MAMLD1: variants seen among roughly 807,000 people sequenced by gnomAD.
The protein encoded by MAMLD1 is mastermind-like domain-containing protein 1.
A neutral mutation model predicts 45.0 loss-of-function variants in MAMLD1; 14 were observed. That is an observed-to-expected ratio of 0.31 (90% confidence interval 0.21 to 0.49). The LOEUF (loss-of-function observed/expected upper bound fraction) is 0.49. Among genes scored for constraint, MAMLD1 ranks in the 20% least tolerant of loss-of-function variants. MAMLD1 has a pLI of 0.99. For missense variants in MAMLD1, 543 were observed against 603.6 expected (o/e 0.90, Z 1.05); for synonymous variants, 254 against 247.8 (o/e 1.02, Z -0.24).
chrX:150,424,842 A>G (rs781846474), intron 1 of MAMLD1, among the ~76,000 whole-genome samples: 13 of 111,652 alleles, frequency 1.2e-4, no homozygotes, highest in African/African-American at 1.6e-4. Context: ...ATTCAAGAAC[A>G]TTTTCATCAC....
chrX:150,456,896 C>T (rs1443332381), intron 2 of MAMLD1, among the ~76,000 whole-genome samples: 2 of 112,339 alleles, frequency 1.8e-5, no homozygotes, highest in Non-Finnish European at 1.9e-5. Flanking sequence ...GAAGACAAAG[C>T]CTTCAGAAAA....
Position 150,510,011 on chromosome X carries a change from A to T in MAMLD1, c.*9A>T. On this transcript the variant is annotated 3_prime_UTR_variant, in exon 7 of 8. Coordinates refer to ENST00000370401, the MANE Select transcript of MAMLD1 (RefSeq NM_005491.5). ...ATGGCAATGACCCCTGAACGGCAGA[A>T]TGCATATATCTCCCAACAGATGAGT... 1 of 1,206,724 alleles carries T rather than the reference A, an allele frequency of 8.3e-7. No homozygotes were observed. The highest frequency in any genetic ancestry group is 1.1e-6 in the Non-Finnish European group (1 of 890,747).
intron 2 of MAMLD1, among the ~76,000 whole-genome samples, chrX:150,451,869 C>T (rs184722513): frequency 1.0e-3 from 116 of 111,394 alleles, no homozygotes; most frequent in African/African-American, 3.7e-3. Flanking sequence ...GCCTCCCTCT[C>T]TCTTGCTCCG....
At chrX:150,398,418 G>A (rs1478422225) in intron 1 of MAMLD1, among the ~76,000 whole-genome samples, 1 of 108,714 alleles carries the variant, frequency 9.2e-6, no homozygotes, top group Non-Finnish European at 1.9e-5. Context: ...GGGAACGAAG[G>A]AGCAAAAATA....
intron 1 of MAMLD1, among the ~76,000 whole-genome samples, chrX:150,435,178 TTCTTA>T (rs782656156): frequency 2.7e-5 from 3 of 111,838 alleles, no homozygotes; most frequent in Non-Finnish European, 5.6e-5. Flanking sequence ...TTCTTGTCTT[TTCTTA>T]TCTTTGTTGG....
Position 150,456,139 on chromosome X carries a change from C to G in MAMLD1, c.97-6633C>G, listed in dbSNP as rs782575916. 3.2e-4 allele frequency among the ~76,000 whole-genome samples: 36 copies of G among 110,783 alleles called. No homozygotes were observed. In the South Asian group the frequency reaches 0.013, roughly 40 times the overall value. On this transcript the variant is annotated intron_variant, in intron 2 of 7. Transcript: ENST00000370401. Reference sequence around the variant, plus strand: ...CTGAAGTGATCTGCCTTTCCTTTAGCACCCCAGAATTACCTCTGGGTTCAT... The same window carrying G: ...CTGAAGTGATCTGCCTTTCCTTTAGGACCCCAGAATTACCTCTGGGTTCAT...
chrX:150,510,887 C>T (rs1215682464), intron 7 of MAMLD1, among the ~76,000 whole-genome samples: 2 of 112,169 alleles, frequency 1.8e-5, no homozygotes, highest in Non-Finnish European at 3.8e-5. Context: ...CTGTGTCCCA[C>T]TTGTCCAGGC....
At chrX:150,489,314 T>C (rs1602993060) in intron 5 of MAMLD1, among the ~76,000 whole-genome samples, 1 of 110,847 alleles carries the variant, frequency 9.0e-6, no homozygotes, top group East Asian at 2.9e-4. Context: ...AGATTCAGTG[T>C]CTGGTGAGAG....
At chrX:150,364,205 C>T (rs959853773) in intron 1 of MAMLD1, among the ~76,000 whole-genome samples, 2 of 112,834 alleles carry the variant, frequency 1.8e-5, no homozygotes, top group African/African-American at 6.4e-5. Context: ...ATCCGCGCGA[C>T]GACAGAGCTG....
intron 1 of MAMLD1, among the ~76,000 whole-genome samples, chrX:150,400,969 T>C (rs1273301991): frequency 9.1e-6 from 1 of 110,295 alleles, no homozygotes; most frequent in Non-Finnish European, 1.9e-5. Context: ...GATGCTGGCC[T>C]CATAAAACGA....
chrX:150,367,015 T>A (rs970839521), intron 1 of MAMLD1, among the ~76,000 whole-genome samples: 45 of 94,329 alleles, frequency 4.8e-4, no homozygotes, highest in Admixed American at 3.1e-3. Flanking sequence ...TTAAAAATCA[T>A]CCTCTTCCGG....
At chrX:150,436,272 G>A (rs1215898386) in intron 1 of MAMLD1, among the ~76,000 whole-genome samples, 1 of 111,186 alleles carries the variant, frequency 9.0e-6, no homozygotes, top group African/African-American at 3.3e-5. Flanking sequence ...GGCCTGTCTA[G>A]GTAGGTTGGG....
intron 1 of MAMLD1, among the ~76,000 whole-genome samples, chrX:150,374,568 G>A (rs909065888): frequency 8.9e-6 from 1 of 112,545 alleles, no homozygotes; most frequent in Non-Finnish European, 1.9e-5. Context: ...GACTTGAAAA[G>A]TCATTTTGTC....
chrX:150,371,505 G>A (rs1448281474), intron 1 of MAMLD1, among the ~76,000 whole-genome samples: 1 of 111,162 alleles, frequency 9.0e-6, no homozygotes, highest in African/African-American at 3.3e-5. Context: ...ATGGCATCCA[G>A]GTCAAAAAGG....
At position 150,382,887 on chromosome X, in the gene MAMLD1, T is replaced by A. The variant is rs1191082027; in HGVS notation, c.-64+19357T>A. ...AATATTTTGTCCCATTTTATTTTAT[T>A]TTTTTTTTTTTTTATTTTTTATTTT... is the stretch of plus-strand genomic sequence containing the variant. On this transcript the variant is annotated intron_variant, in intron 1 of 7. Transcript: ENST00000370401. 5.3e-4 allele frequency among the ~76,000 whole-genome samples: 10 copies of A among 18,791 alleles called. No homozygotes were observed. The East Asian group carries it at 6.8e-3, about 13-fold the overall frequency. The allele number at this position is 18,791 out of a possible 115,157, so 16.3% of individuals were successfully genotyped here.
chrX:150,512,289 A>G lies in MAMLD1; in HGVS notation c.*330A>G. 8.9e-7 allele frequency: 1 copy of G among 1,122,846 alleles called. No homozygotes were observed. Among genetic ancestry groups the G allele is most frequent in the East Asian group, 3.3e-5 (1 of 30,366 alleles). 92.5% of individuals were successfully genotyped at this position (1,122,846 alleles called of 1,213,427 possible). A position where few individuals can be genotyped will look rare whatever the true frequency, so the allele number is the denominator to read the frequency against. On this transcript the variant is annotated 3_prime_UTR_variant, in exon 8 of 8. Coordinates refer to ENST00000370401, the MANE Select transcript of MAMLD1 (RefSeq NM_005491.5). ...GTCTGCCAGCATATGCAGAGTCCCA[A>G]GGCCACCCCACCAGAAGTGCCCCTG... is the stretch of plus-strand genomic sequence containing the variant.
At chrX:150,367,750 C>A (rs1360902057) in intron 1 of MAMLD1, among the ~76,000 whole-genome samples, 6 of 108,155 alleles carry the variant, frequency 5.5e-5, no homozygotes, top group Non-Finnish European at 1.2e-4. Flanking sequence ...TGATGTTCCC[C>A]TTCCTGTGTC....
At chrX:150,384,496 T>C (rs2032820180) in intron 1 of MAMLD1, among the ~76,000 whole-genome samples, 1 of 112,170 alleles carries the variant, frequency 8.9e-6, no homozygotes, top group African/African-American at 3.2e-5. Context: ...AAGCATTGTT[T>C]ATATATTCTG....
chrX:150,476,419 C>T (rs1354443645), intron 5 of MAMLD1, among the ~76,000 whole-genome samples: 1 of 112,426 alleles, frequency 8.9e-6, no homozygotes, highest in Non-Finnish European at 1.9e-5. Flanking sequence ...CTTACATTTA[C>T]TCAAAGACAC....
Sources: gnomAD v4.1 joint callset for allele counts (sites outside exome capture counted in the v4.1 genomes callset) on GRCh38, gnomAD v4.1.1 for gene constraint, MANE v1.5 for transcripts, NCBI Gene and HGNC (gene_info 2026-07-23, HGNC 2026-07-21) for gene names.